The following PMS2 variants were observed in gnomAD, a reference collection of about 807,000 sequenced individuals.
PMS2 encodes PMS1 homolog 2, mismatch repair system component, also known as mismatch repair endonuclease PMS2.
PMS2 carries 69 observed loss-of-function variants against 90.0 expected under a neutral mutation model. The ratio of observed to expected loss-of-function variants is 0.77; its 90% CI spans 0.63 to 0.94. PMS2 has a LOEUF of 0.94. PMS2 is among the 40% of genes least tolerant of loss of function. The pLI is 0.00. For synonymous variants in PMS2, 332 were observed against 375.1 expected (o/e 0.89, Z 1.33); for missense variants, 966 against 1,040.2 (o/e 0.93, Z 0.98).
chr7:6,002,670 G>C lies in PMS2; in HGVS notation c.354-34C>G, dbSNP rs200029834. 6.9e-4 allele frequency: 1,071 copies of C among 1,547,488 alleles called. 2 individuals are homozygous for C. The highest frequency in any genetic ancestry group is 9.0e-4 in the Non-Finnish European group (1,005 of 1,121,028). On this transcript the variant is annotated intron_variant, in intron 4 of 14. Transcript: ENST00000265849. ...GAATACCAGGCATGGTGTGTTCAGT[G>C]AGAGACCCATGATGTTGGGCACTGA...
At chr7:6,001,719 C>G (rs1785106667) in intron 5 of PMS2, among the ~76,000 whole-genome samples, 1 of 152,036 alleles carries the variant, frequency 6.6e-6, no homozygotes, top group Non-Finnish European at 1.5e-5. Flanking sequence ...CATGGTGGCT[C>G]AGGCCTGTAA....
intron 8 of PMS2, among the ~76,000 whole-genome samples, chr7:5,994,951 C>A (rs1784211131): frequency 6.6e-6 from 1 of 151,830 alleles, no homozygotes; most frequent in South Asian, 2.1e-4. Context: ...GAATACTATA[C>A]CGAAAAACAA....
In PMS2 at chr7:6,006,511, G is replaced by C. The variant is rs139919332; in HGVS notation, c.24-480C>G. Among the ~76,000 whole-genome samples, 1,327 of 152,224 alleles carry C rather than the reference G, an allele frequency of 8.7e-3. 8 individuals are homozygous for C. Among genetic ancestry groups the C allele is most frequent in the Non-Finnish European group, 0.015 (998 of 68,012 alleles). Reference sequence around the variant, plus strand: ...TACTAAAAATACAAAAAATTAGCCAGGCATGGTGGTGGGCACCTGTAATCC... The same window carrying C: ...TACTAAAAATACAAAAAATTAGCCACGCATGGTGGTGGGCACCTGTAATCC... On this transcript the variant is annotated intron_variant, in intron 1 of 14. Transcript: ENST00000265849.
chr7:5,994,095 T>C (rs1052651525), intron 8 of PMS2, among the ~76,000 whole-genome samples: 1 of 151,220 alleles, frequency 6.6e-6, no homozygotes, highest in Non-Finnish European at 1.5e-5. Context: ...TAAAAAACTA[T>C]ACAGAGGCCA....
rs961217957 is a variant in PMS2 at position 6,002,164 on chromosome 7, GAACTAC to G, written c.537+283_537+288del. 73 of 345,718 alleles carry G rather than the reference GAACTAC, an allele frequency of 2.1e-4. 1 individual carries two copies. In the East Asian group the frequency reaches 3.8e-3, roughly 18 times the overall value. 21.4% of individuals were successfully genotyped at this position (345,718 alleles called of 1,614,324 possible). On this transcript the variant is annotated intron_variant, in intron 5 of 14. Coordinates refer to ENST00000265849, the MANE Select transcript of PMS2 (RefSeq NM_000535.7). ...CCCACTTCAGCCTCCCAAGTAGCTG[GAACTAC>G]AGGTACATGTCACCATGCCCAGTAA... is the stretch of plus-strand genomic sequence containing the variant.
At chr7:5,994,192 C>T (rs1180847457) in intron 8 of PMS2, among the ~76,000 whole-genome samples, 1 of 151,570 alleles carries the variant, frequency 6.6e-6, no homozygotes, top group African/African-American at 2.4e-5. Flanking sequence ...ACCATCCTGG[C>T]CACATGGTGA....
intron 6 of PMS2, among the ~76,000 whole-genome samples, chr7:5,998,598 G>A (rs1451081694): frequency 2.6e-5 from 4 of 151,100 alleles, no homozygotes; most frequent in Admixed American, 2.6e-4. Flanking sequence ...GGAGGCTAAG[G>A]TAGGAGAATT....
intron 8 of PMS2, among the ~76,000 whole-genome samples, chr7:5,992,794 A>G (rs1379958842): frequency 1.3e-5 from 2 of 152,192 alleles, no homozygotes; most frequent in Admixed American, 1.3e-4. Context: ...ACAATCTCAA[A>G]GTGATATTTC....
chr7:6,002,835 C>G (rs1328796245), intron 4 of PMS2, among the ~76,000 whole-genome samples, 199 bp from the exon 5 acceptor site: 1 of 152,150 alleles, frequency 6.6e-6, no homozygotes, highest in African/African-American at 2.4e-5. Flanking sequence ...AGACAGAGAG[C>G]ACTAAACATG....
chr7:5,985,523 C>T (rs1389497020), intron 11 of PMS2, among the ~76,000 whole-genome samples: 11 of 151,112 alleles, frequency 7.3e-5, no homozygotes, highest in Non-Finnish European at 8.8e-5. Flanking sequence ...GGAGAGTCCT[C>T]AGAAAAGGAA....
intron 11 of PMS2, among the ~76,000 whole-genome samples, chr7:5,985,520 C>T (rs2128715036): frequency 6.6e-6 from 1 of 151,364 alleles, no homozygotes; most frequent in South Asian, 2.1e-4. Flanking sequence ...GAGGGAGAGT[C>T]CTCAGAAAAG....
chr7:5,999,042 G>T (rs2128798145), intron 6 of PMS2, 66 bp downstream of exon 6: 1 of 1,465,898 alleles, frequency 6.8e-7, no homozygotes, highest in Non-Finnish European at 9.6e-7. Context: ...CTACTGGAAG[G>T]GACAATGGAA....
intron 9 of PMS2, among the ~76,000 whole-genome samples, chr7:5,990,567 C>A (rs994807425): frequency 6.6e-6 from 1 of 151,764 alleles, no homozygotes; most frequent in Non-Finnish European, 1.5e-5. Flanking sequence ...TATTTTAATC[C>A]CCTACTGAAT....
Position 6,002,090 on chromosome 7 carries a change from C to T in PMS2, c.537+363G>A, listed in dbSNP as rs901415178. 44 of 251,260 alleles carry T rather than the reference C, an allele frequency of 1.8e-4. 1 individual carries two copies. The highest frequency in any genetic ancestry group is 8.0e-4 in the African/African-American group (35 of 43,558). 15.6% of individuals were successfully genotyped at this position (251,260 alleles called of 1,614,324 possible). A position where few individuals can be genotyped will look rare whatever the true frequency, so the allele number is the denominator to read the frequency against. On this transcript the variant is annotated intron_variant, in intron 5 of 14. Transcript: ENST00000265849. ...TGTCTCCCAGTCTTAAGTGCAGTGG[C>T]GCAATCATAGCTCACTGCAGCCTCA...
chr7:6,005,612 T>C (rs1785646434), intron 2 of PMS2, among the ~76,000 whole-genome samples: 1 of 152,150 alleles, frequency 6.6e-6, no homozygotes, highest in Admixed American at 6.6e-5. Context: ...GCTAGGATTA[T>C]AGGCGTGAGA....
At chr7:6,006,126 T>C in intron 1 of PMS2, 95 bp from the exon 2 acceptor site, 1 of 1,311,468 alleles carries the variant, frequency 7.6e-7, no homozygotes. Context: ...CTGTAAATAA[T>C]TTATGGGTCT....
chr7:6,001,373 CTTT>C (rs35742778), intron 5 of PMS2, among the ~76,000 whole-genome samples: 6 of 138,724 alleles, frequency 4.3e-5, no homozygotes, highest in Non-Finnish European at 6.1e-5. Flanking sequence ...GAGAAATATT[CTTT>C]TTTTTTTTTT....
chr7:6,004,256 T>C (rs1785457256), intron 2 of PMS2, 198 bp from the exon 3 acceptor site: 1 of 479,044 alleles, frequency 2.1e-6, no homozygotes, highest in African/African-American at 2.0e-5. Flanking sequence ...ATAGTTTAGC[T>C]TTTTCTTTCT....
rs1264781818 is a variant in PMS2 at position 5,995,649 on chromosome 7, A to G, written c.804-16T>C. ...ACCTGAGATGCTATTCAACATTAAT[A>G]TGGTAAGGGCAGGATTCCAGAGTGA... On this transcript the variant is annotated splice_polypyrimidine_tract_variant and intron_variant, in intron 7 of 14. Coordinates refer to ENST00000265849, the MANE Select transcript of PMS2 (RefSeq NM_000535.7). 3 of 1,534,222 alleles carry G rather than the reference A, an allele frequency of 2.0e-6. No homozygotes were observed. Among genetic ancestry groups the G allele is most frequent in the South Asian group, 2.2e-5 (2 of 89,562 alleles).
Sources: allele counts gnomAD v4.1 joint callset (sites outside exome capture counted in the v4.1 genomes callset), GRCh38; gene constraint gnomAD v4.1.1; transcripts MANE v1.5; gene names NCBI Gene and HGNC (gene_info 2026-07-23, HGNC 2026-07-21).